Variants in RHPN2 observed in about 807,000 individuals in gnomAD.
RHPN2 encodes the protein rhophilin Rho GTPase binding protein 2.
A neutral mutation model predicts 79.0 loss-of-function variants in RHPN2; 40 were observed. The observed-to-expected ratio is 0.51, with a 90% confidence interval of 0.39 to 0.66. RHPN2 has a LOEUF of 0.66. Among genes scored for constraint, RHPN2 ranks in the 30% least tolerant of loss-of-function variants. RHPN2 has a pLI of 0.00. For missense variants in RHPN2, 686 were observed against 883.5 expected, an observed-to-expected ratio of 0.78 and a Z score of 2.83; for synonymous variants, 285 against 363.5, an observed-to-expected ratio of 0.78 and a Z score of 2.46.
intron 12 of RHPN2, among the ~76,000 whole-genome samples, chr19:32,992,527 G>GT (rs1971668939): frequency 6.6e-6 from 1 of 152,160 alleles, no homozygotes; most frequent in South Asian, 2.1e-4. Flanking sequence ...TATAAAAAAT[G>GT]TAAGACTAGG....
intron 7 of RHPN2, among the ~76,000 whole-genome samples, chr19:33,005,828 A>T (rs1429202674): frequency 6.6e-6 from 1 of 152,150 alleles, no homozygotes; most frequent in East Asian, 1.9e-4. Flanking sequence ...CAGCAAAAGA[A>T]ATCAACTCAT....
intron 10 of RHPN2, 102 bp downstream of exon 10, chr19:32,999,484 C>G: frequency 6.9e-7 from 1 of 1,449,354 alleles, no homozygotes; most frequent in African/African-American, 1.4e-5. Flanking sequence ...CGGAACACCC[C>G]CCTCTCCCGG....
At chr19:33,003,094 C>A (rs1249045730) in intron 7 of RHPN2, 94 bp from the exon 8 acceptor site, 19 of 1,147,384 alleles carry the variant, frequency 1.7e-5, no homozygotes, top group Non-Finnish European at 2.4e-5. Context: ...TGCGGTGGCT[C>A]ATGCCCATAA....
Position 33,006,554 on chromosome 19 carries a change from C to T in RHPN2, c.760+1460G>A, listed in dbSNP as rs1465411742. On this transcript the variant is annotated intron_variant, in intron 7 of 14. Transcript: ENST00000254260. ...GGGATCACACCCCAAAGCAGAATGT[C>T]GATGATCAGCCCAGAAGGCAACACG... Among the ~76,000 whole-genome samples the T allele has an allele frequency of 2.6e-5, 4 of 152,194 alleles. No individual in the cohort carries two copies. In the South Asian group the frequency reaches 6.2e-4, roughly 24 times the overall value.
chr19:33,053,098 A>G (rs1252137497), intron 1 of RHPN2, among the ~76,000 whole-genome samples: 1 of 151,342 alleles, frequency 6.6e-6, no homozygotes, highest in Non-Finnish European at 1.5e-5. Flanking sequence ...CAGCCTCCTG[A>G]GTAGCTGGGA....
intron 4 of RHPN2, among the ~76,000 whole-genome samples, chr19:33,016,773 T>C (rs1971881583): frequency 1.3e-5 from 2 of 152,210 alleles, no homozygotes; most frequent in South Asian, 4.1e-4. Flanking sequence ...AAGTCAGATT[T>C]GAAATGGAAC....
At chr19:33,018,330 A>G (rs67220100) in intron 4 of RHPN2, among the ~76,000 whole-genome samples, 42,947 of 150,906 alleles carry the variant, frequency 0.28, 6,849 homozygotes, top group East Asian at 0.5. Flanking sequence ...CTGTGTCTCA[A>G]AAAAAAAAGA....
intron 5 of RHPN2, 79 bp downstream of exon 5, chr19:33,012,568 A>C (rs1971843946): frequency 1.1e-6 from 1 of 891,042 alleles, no homozygotes; most frequent in Admixed American, 1.7e-5. Flanking sequence ...TTCTGTTAAG[A>C]CCACAAGCGT....
intron 4 of RHPN2, among the ~76,000 whole-genome samples, chr19:33,019,053 A>C (rs965478603): frequency 2.6e-5 from 4 of 151,212 alleles, no homozygotes; most frequent in African/African-American, 9.7e-5. Context: ...AAAAAGAAAG[A>C]AAGAAAGAAA....
chr19:33,029,711 C>T (rs1231494387), intron 2 of RHPN2, among the ~76,000 whole-genome samples: 1 of 152,100 alleles, frequency 6.6e-6, no homozygotes, highest in Non-Finnish European at 1.5e-5. Context: ...AAAACCACCC[C>T]CAAGTTCAGT....
chr19:32,981,420 G>GGGGT (rs1971573092), intron 14 of RHPN2, among the ~76,000 whole-genome samples: 1 of 121,540 alleles, frequency 8.2e-6, no homozygotes, highest in Non-Finnish European at 1.7e-5. Flanking sequence ...AAAAAAAAGG[G>GGGGT]GGGGGGCGGG....
In RHPN2 at chr19:33,011,709, G is replaced by A; in HGVS notation, c.563C>T (p.Pro188Leu). ...LGFVESRFFPPTRQMGLLFTW... is the reference protein window; with the variant it reads ...LGFVESRFFPLTRQMGLLFTW... ...GAACAGGAGTCCCATCTGCCGTGTG[G>A]GCGGGAAGAATCGACTCTCGACAAA... Residue 188 changes from proline to leucine, a missense_variant, in exon 6 of 15, where the codon CCC becomes CTC. Physicochemically the swap from Pro to Leu is moderately conservative, Grantham distance 98. Coordinates refer to ENST00000254260, the MANE Select transcript of RHPN2 (RefSeq NM_033103.5). The A allele has an allele frequency of 6.2e-7, 1 of 1,613,950 alleles. No homozygotes were observed. The highest frequency in any genetic ancestry group is 8.5e-7 in the Non-Finnish European group (1 of 1,179,858).
intron 1 of RHPN2, among the ~76,000 whole-genome samples, chr19:33,055,817 C>T (rs1972227887): frequency 6.6e-6 from 1 of 151,890 alleles, no homozygotes; most frequent in Non-Finnish European, 1.5e-5. Flanking sequence ...CAACAGGGAC[C>T]ATAAACCAGG....
At chr19:33,050,635 T>C (rs114690846) in intron 1 of RHPN2, among the ~76,000 whole-genome samples, 1,800 of 152,322 alleles carry the variant, frequency 0.012, 29 homozygotes, top group African/African-American at 0.041. Flanking sequence ...CTCAATACCA[T>C]GTTTTCAGAT....
chr19:33,013,305 G>A lies in RHPN2; in HGVS notation c.391-581C>T, dbSNP rs112952532. Reference sequence around the variant, plus strand: ...CACCTCCCAGGCTCAAGTGATTCTCGTGCCTCAGCCTCCCAAGTAGCTGGG... The same window carrying A: ...CACCTCCCAGGCTCAAGTGATTCTCATGCCTCAGCCTCCCAAGTAGCTGGG... On this transcript the variant is annotated intron_variant, in intron 4 of 14. Coordinates refer to ENST00000254260, the MANE Select transcript of RHPN2 (RefSeq NM_033103.5). Among the ~76,000 whole-genome samples the A allele has an allele frequency of 4.4e-3, 666 of 151,310 alleles. 7 individuals carry two copies. The highest frequency in any genetic ancestry group is 0.015 in the African/African-American group (624 of 41,192).
At chr19:32,982,349 G>A (rs1971581329) in intron 14 of RHPN2, among the ~76,000 whole-genome samples, 1 of 152,108 alleles carries the variant, frequency 6.6e-6, no homozygotes, top group Non-Finnish European at 1.5e-5. Flanking sequence ...GGAGGTTGCA[G>A]TGAGCCCAGA....
intron 9 of RHPN2, among the ~76,000 whole-genome samples, chr19:33,000,314 G>A (rs1041086953): frequency 9.9e-5 from 15 of 151,350 alleles, no homozygotes; most frequent in Non-Finnish European, 1.8e-4. Context: ...TCCACCTCCC[G>A]GGTTCAAGCG....
intron 1 of RHPN2, among the ~76,000 whole-genome samples, chr19:33,046,354 C>T (rs556178223): frequency 6.8e-4 from 104 of 152,216 alleles, no homozygotes; most frequent in Non-Finnish European, 9.6e-4. Context: ...CAACCTCTGT[C>T]TCCCAGGTTC....
intron 2 of RHPN2, among the ~76,000 whole-genome samples, chr19:33,036,870 G>GCCCCCCCCCC (rs199550754): frequency 7.8e-5 from 11 of 141,324 alleles, no homozygotes; most frequent in African/African-American, 3.1e-4. Flanking sequence ...CCATGCCTGA[G>GCCCCCCCCCC]CCCCCCCGCC....
Sources: allele counts gnomAD v4.1 joint callset (sites outside exome capture counted in the v4.1 genomes callset), GRCh38; gene constraint gnomAD v4.1.1; transcripts MANE v1.5; gene names NCBI Gene and HGNC (gene_info 2026-07-23, HGNC 2026-07-21).